Variants in CADM2 observed in about 807,000 individuals in gnomAD.
CADM2 encodes the protein immunoglobulin superfamily member 4D.
CADM2 carries 12 observed loss-of-function variants against 49.8 expected under a neutral mutation model. The observed-to-expected ratio is 0.24, with a 90% CI of 0.15 to 0.39. CADM2 has a LOEUF of 0.39. Among genes scored for constraint, CADM2 ranks in the 10% least tolerant of loss-of-function variants. The pLI, the probability that CADM2 is intolerant of heterozygous loss-of-function variation, is 1.00. For synonymous variants in CADM2, 214 were observed against 175.4 expected (o/e 1.22, Z -1.74); for missense variants, 378 against 492.3 (o/e 0.77, Z 2.20).
chr3:86,016,123 A>C (rs1732189854), intron 8 of CADM2, among the ~76,000 whole-genome samples: 1 of 152,130 alleles, frequency 6.6e-6, no homozygotes, highest in Non-Finnish European at 1.5e-5. Flanking sequence ...TAATTAACTC[A>C]TGTCAGTCTT....
At chr3:85,385,096 T>C (rs2107370903) in intron 1 of CADM2, among the ~76,000 whole-genome samples, 1 of 152,022 alleles carries the variant, frequency 6.6e-6, no homozygotes. Context: ...CCAGCACACC[T>C]GCTAATTTTT....
chr3:86,050,844 T>C (rs1052649530), intron 8 of CADM2, among the ~76,000 whole-genome samples: 6 of 152,130 alleles, frequency 3.9e-5, no homozygotes, highest in African/African-American at 1.4e-4. Flanking sequence ...CCCAGAGACC[T>C]AGGAGGACAG....
chr3:85,417,081 C>G (rs1021918337), intron 1 of CADM2, among the ~76,000 whole-genome samples: 1 of 151,428 alleles, frequency 6.6e-6, no homozygotes, highest in Non-Finnish European at 1.5e-5. Context: ...AATTATGTAG[C>G]TAATTGAAAA....
At chr3:85,121,140 T>A (rs893126158) in intron 1 of CADM2, among the ~76,000 whole-genome samples, 10 of 152,184 alleles carry the variant, frequency 6.6e-5, no homozygotes, top group Non-Finnish European at 1.5e-4. Flanking sequence ...TTTGATGAGT[T>A]CTGCCCTCAG....
intron 1 of CADM2, among the ~76,000 whole-genome samples, chr3:85,635,184 T>A (rs1253297220): frequency 6.6e-6 from 1 of 152,084 alleles, no homozygotes; most frequent in Non-Finnish European, 1.5e-5. Flanking sequence ...TTTTAAAAAA[T>A]ACAATCTCAT....
At chr3:85,609,983 T>C (rs147560483) in intron 1 of CADM2, among the ~76,000 whole-genome samples, 3 of 152,162 alleles carry the variant, frequency 2.0e-5, no homozygotes, top group African/African-American at 7.2e-5. Context: ...TGTACACATT[T>C]GTAAAATAAT....
At chr3:85,990,013 C>CAAAAAAAAAAAAAAA in intron 8 of CADM2, among the ~76,000 whole-genome samples, 16 of 9,640 alleles carry the variant, frequency 1.7e-3, no homozygotes, top group African/African-American at 3.7e-3. Context: ...ACTCCATGTC[C>CAAAAAAAAAAAAAAA]AAAAAAAAAA....
At chr3:84,979,094 G>A (rs1364925231) in intron 1 of CADM2, among the ~76,000 whole-genome samples, 5 of 152,144 alleles carry the variant, frequency 3.3e-5, no homozygotes, top group Admixed American at 3.3e-4. Context: ...TTTTCAACTT[G>A]AAGACTGACT....
chr3:85,864,286 T>C (rs2075644034), intron 3 of CADM2, among the ~76,000 whole-genome samples: 1 of 152,246 alleles, frequency 6.6e-6, no homozygotes, highest in South Asian at 2.1e-4. Context: ...CTTGCATTAC[T>C]GGACTAAACC....
At chr3:85,552,879 G>A (rs576448257) in intron 1 of CADM2, among the ~76,000 whole-genome samples, 97 of 151,986 alleles carry the variant, frequency 6.4e-4, no homozygotes, top group Middle Eastern at 3.4e-3. Flanking sequence ...GGATTTCACC[G>A]TGTTAGTCAG....
At chr3:85,345,301 G>T (rs1406638747) in intron 1 of CADM2, among the ~76,000 whole-genome samples, 3 of 90,366 alleles carry the variant, frequency 3.3e-5, no homozygotes, top group African/African-American at 1.3e-4. Context: ...GTGACAGAGT[G>T]AGTCTCCATC....
rs187053522 is a variant in CADM2, at chr3:85,845,281, C to T, written c.239-38010C>T. 4.1e-4 allele frequency among the ~76,000 whole-genome samples: 63 copies of T among 152,052 alleles called. 1 individual carries two copies. Among genetic ancestry groups the T allele is most frequent in the African/African-American group, 1.4e-3 (56 of 41,472 alleles). On this transcript the variant is annotated intron_variant, in intron 3 of 9. Transcript: ENST00000383699. ...CAGATAGCAGGACAGGCTGGTAGCC[C>T]GGGCCAGTCACAAGATAGATAGCAG...
intron 1 of CADM2, among the ~76,000 whole-genome samples, chr3:85,072,433 G>A (rs982880194): frequency 2.0e-5 from 3 of 152,024 alleles, no homozygotes; most frequent in African/African-American, 7.2e-5. Context: ...CCCAGTGAAT[G>A]GCTGTTCAAT....
chr3:85,076,320 T>C (rs1199688732), intron 1 of CADM2, among the ~76,000 whole-genome samples: 1 of 151,014 alleles, frequency 6.6e-6, no homozygotes, highest in African/African-American at 2.4e-5. Context: ...TGTGTGTGTG[T>C]GTGTGTGTGT....
At chr3:86,059,771 T>A (rs964026827) in intron 8 of CADM2, among the ~76,000 whole-genome samples, 3 of 152,180 alleles carry the variant, frequency 2.0e-5, no homozygotes, top group African/African-American at 7.2e-5. Context: ...TTAAATTATG[T>A]ACTCTTCCTG....
chr3:85,629,167 T>C (rs146856408), intron 1 of CADM2, among the ~76,000 whole-genome samples: 108 of 151,954 alleles, frequency 7.1e-4, no homozygotes, highest in Non-Finnish European at 1.4e-3. Flanking sequence ...TTTTAAGTAA[T>C]ATTTTAAAGT....
At position 85,368,906 on chromosome 3, in the gene CADM2, T is replaced by C. The variant is rs186270656; in HGVS notation, c.62-357616T>C. ...CATTATCCACTGGTTGAGGATGTAG[T>C]ACAATCCCTATTGCCAGTCCAACTC... is the stretch of plus-strand genomic sequence containing the variant. On this transcript the variant is annotated intron_variant, in intron 1 of 9. Transcript: ENST00000383699. Among the ~76,000 whole-genome samples the C allele has an allele frequency of 6.6e-4, 101 of 152,278 alleles. 1 individual carries two copies. The highest frequency in any genetic ancestry group is 2.3e-3 in the African/African-American group (96 of 41,558).
chr3:85,722,365 A>G (rs1559613988), intron 1 of CADM2, among the ~76,000 whole-genome samples: 1 of 152,172 alleles, frequency 6.6e-6, no homozygotes, highest in Non-Finnish European at 1.5e-5. Flanking sequence ...TCTCTTTAAA[A>G]AATCTAAGCT....
At chr3:85,502,408 G>A (rs547943884) in intron 1 of CADM2, among the ~76,000 whole-genome samples, 31 of 152,120 alleles carry the variant, frequency 2.0e-4, no homozygotes, top group African/African-American at 7.0e-4. Flanking sequence ...AAAGGAAAGG[G>A]AATGAGGGAT....
Sources: allele counts gnomAD v4.1 joint callset (sites outside exome capture counted in the v4.1 genomes callset), GRCh38; gene constraint gnomAD v4.1.1; transcripts MANE v1.5; gene names NCBI Gene and HGNC (gene_info 2026-07-23, HGNC 2026-07-21).